Variants in ARHGEF6 observed in about 807,000 individuals in gnomAD.
ARHGEF6 encodes rho guanine nucleotide exchange factor 6.
ARHGEF6 carries 9 observed loss-of-function variants against 70.3 expected under a neutral mutation model. The ratio of observed to expected loss-of-function variants is 0.13; its 90% CI spans 0.08 to 0.22. The LOEUF (loss-of-function observed/expected upper bound fraction) is 0.22. Among genes scored for constraint, ARHGEF6 ranks in the 10% least tolerant of loss-of-function variants. The probability of loss-of-function intolerance (pLI) is 1.00; values close to 1 mark genes in which losing one functional copy is unlikely to be tolerated. For missense variants in ARHGEF6, 470 were observed against 563.0 expected, an observed-to-expected ratio of 0.83 and a Z score of 1.67; for synonymous variants, 201 against 207.8, an observed-to-expected ratio of 0.97 and a Z score of 0.28.
chrX:136,769,749 T>C (rs868709569), intron 2 of ARHGEF6, among the ~76,000 whole-genome samples: 1 of 112,336 alleles, frequency 8.9e-6, no homozygotes, highest in South Asian at 3.7e-4. Context: ...AGAACTTGTG[T>C]TGTTGAGAGA....
intron 2 of ARHGEF6, among the ~76,000 whole-genome samples, chrX:136,765,660 T>C (rs2077306620): frequency 8.9e-6 from 1 of 112,889 alleles, no homozygotes; most frequent in South Asian, 3.6e-4. Flanking sequence ...TAAAACACTT[T>C]TGTATAAAAT....
At chrX:136,768,475 T>C (rs989277531) in intron 2 of ARHGEF6, 2 of 112,103 alleles carry the variant, frequency 1.8e-5, no homozygotes, top group African/African-American at 6.5e-5. Flanking sequence ...AAGCTTTGCC[T>C]AGCGGAAACT....
At chrX:136,734,505 T>C (rs2076967009) in intron 5 of ARHGEF6, among the ~76,000 whole-genome samples, 2 of 112,121 alleles carry the variant, frequency 1.8e-5, no homozygotes, top group African/African-American at 3.2e-5. Context: ...ATTGAACTTA[T>C]AAATTTAAAA....
chrX:136,745,466 A>G, intron 3 of ARHGEF6, 119 bp from the exon 4 acceptor site: 4 of 936,835 alleles, frequency 4.3e-6, no homozygotes, highest in Non-Finnish European at 6.1e-6. Context: ...TCTAACTGTT[A>G]TCATTATGAA....
intron 11 of ARHGEF6, among the ~76,000 whole-genome samples, chrX:136,686,677 TAC>T (rs1213852209): frequency 5.6e-4 from 39 of 69,256 alleles, no homozygotes; most frequent in Admixed American, 9.9e-4. Flanking sequence ...TATATATATA[TAC>T]ACATATATAT....
chrX:136,668,424 AGT>A, intron 21 of ARHGEF6, among the ~76,000 whole-genome samples: 1 of 110,661 alleles, frequency 9.0e-6, no homozygotes, highest in East Asian at 2.8e-4. Context: ...TTTCAACCCA[AGT>A]GTCTATTAAG....
At chrX:136,717,820 A>C (rs1449272806) in intron 6 of ARHGEF6, among the ~76,000 whole-genome samples, 1 of 111,755 alleles carries the variant, frequency 8.9e-6, no homozygotes, top group African/African-American at 3.2e-5. Flanking sequence ...GGGACTAGCT[A>C]TCAAGGCATA....
intron 6 of ARHGEF6, among the ~76,000 whole-genome samples, chrX:136,720,003 G>A (rs531219803): frequency 5.4e-5 from 6 of 111,679 alleles, no homozygotes; most frequent in African/African-American, 1.6e-4. Context: ...AATTAACATC[G>A]TTCCAAAACA....
At chrX:136,729,388 A>C (rs1166088008) in intron 6 of ARHGEF6, among the ~76,000 whole-genome samples, 1 of 101,699 alleles carries the variant, frequency 9.8e-6, no homozygotes, top group Admixed American at 1.1e-4. Flanking sequence ...GAATCGCTTG[A>C]ACCTGGGAGG....
intron 6 of ARHGEF6, among the ~76,000 whole-genome samples, chrX:136,727,373 C>CTTTCTT (rs2076871839): frequency 1.4e-5 from 1 of 70,077 alleles, no homozygotes; most frequent in Admixed American, 1.7e-4. Context: ...TTCTTTCTTT[C>CTTTCTT]TTTCTTTCTT....
chrX:136,690,910 G>A (rs1263129528), intron 9 of ARHGEF6, among the ~76,000 whole-genome samples, 162 bp from the exon 10 acceptor site: 1 of 111,613 alleles, frequency 9.0e-6, no homozygotes, highest in Non-Finnish European at 1.9e-5. Flanking sequence ...ACTAAATCAG[G>A]TTTTATTAAG....
chrX:136,749,362 T>C (rs924144222), intron 2 of ARHGEF6, among the ~76,000 whole-genome samples: 1 of 111,635 alleles, frequency 9.0e-6, no homozygotes, highest in Non-Finnish European at 1.9e-5. Flanking sequence ...CACTTGTTTT[T>C]AGCCCATCAG....
intron 2 of ARHGEF6, among the ~76,000 whole-genome samples, chrX:136,748,553 C>T (rs2077119579): frequency 8.9e-6 from 1 of 112,152 alleles, no homozygotes; most frequent in African/African-American, 3.2e-5. Context: ...ATTTGCCAGC[C>T]AACAATGTAA....
At chrX:136,766,599 G>A (rs938106047) in intron 2 of ARHGEF6, among the ~76,000 whole-genome samples, 1 of 112,252 alleles carries the variant, frequency 8.9e-6, no homozygotes, top group African/African-American at 3.2e-5. Context: ...AGGGCTCTCC[G>A]CTGCAGAGCT....
chrX:136,693,964 G>C (rs1408873040), intron 9 of ARHGEF6, among the ~76,000 whole-genome samples: 1 of 111,259 alleles, frequency 9.0e-6, no homozygotes, highest in Non-Finnish European at 1.9e-5. Flanking sequence ...CACTCACACT[G>C]GGTAGAGTGG....
chrX:136,754,867 G>A (rs2077189860), intron 2 of ARHGEF6, among the ~76,000 whole-genome samples: 1 of 111,347 alleles, frequency 9.0e-6, no homozygotes, highest in Admixed American at 9.5e-5. Flanking sequence ...GTTTTGCGGT[G>A]TGGGGTGGAT....
At chrX:136,686,094 C>T (rs775353231) in intron 11 of ARHGEF6, among the ~76,000 whole-genome samples, 11 of 112,173 alleles carry the variant, frequency 9.8e-5, no homozygotes, top group African/African-American at 3.6e-4. Context: ...TTATTTCTCC[C>T]TCCCTGTAAA....
intron 5 of ARHGEF6, among the ~76,000 whole-genome samples, chrX:136,739,371 C>T (rs1039399403): frequency 2.7e-5 from 3 of 112,018 alleles, no homozygotes; most frequent in Non-Finnish European, 3.8e-5. Context: ...TAGTTCTGCA[C>T]AGACCTGTGT....
At chrX:136,671,956 G>A (rs757556985) in intron 20 of ARHGEF6, 64 bp downstream of exon 20, 194 of 939,573 alleles carry the variant, frequency 2.1e-4, no homozygotes, top group Non-Finnish European at 1.4e-4. Context: ...GGAGCTCCCC[G>A]TCCTACCAGA....
Sources: gnomAD v4.1 joint callset for allele counts (sites outside exome capture counted in the v4.1 genomes callset) on GRCh38, gnomAD v4.1.1 for gene constraint, MANE v1.5 for transcripts, NCBI Gene and HGNC (gene_info 2026-07-23, HGNC 2026-07-21) for gene names.